The following TSC22D1 variants were observed in gnomAD, a reference collection of about 807,000 sequenced individuals.
TSC22D1 encodes TSC22 domain family protein 1.
TSC22D1 carries 9 observed loss-of-function variants against 74.2 expected under a neutral mutation model. The observed-to-expected ratio is 0.12, with a 90% CI of 0.07 to 0.21. The LOEUF is 0.21. Among genes scored for constraint, TSC22D1 ranks in the 10% least tolerant of loss-of-function variants. The pLI is 1.00. For missense variants in TSC22D1, 1,427 were observed against 1,304.7 expected (o/e 1.09, Z -1.44); for synonymous variants, 586 against 492.5 (o/e 1.19, Z -2.51).
At chr13:44,488,505 A>G (rs1433754298) in intron 1 of TSC22D1, among the ~76,000 whole-genome samples, 1 of 152,236 alleles carries the variant, frequency 6.6e-6, no homozygotes, top group Non-Finnish European at 1.5e-5. Context: ...CTAACGTTGC[A>G]TTTCCATTGG....
intron 1 of TSC22D1, among the ~76,000 whole-genome samples, chr13:44,568,318 A>G: frequency 6.6e-6 from 1 of 152,176 alleles, no homozygotes. Context: ...TTCCTGAGAA[A>G]GATAAAATTG....
rs1874158000 is a variant in TSC22D1, at chr13:44,432,789, T to TA, written c.*1836dup. On this transcript the variant is annotated 3_prime_UTR_variant, in exon 3 of 3. Transcript: ENST00000458659. The stretch of plus-strand genomic sequence containing the variant: ...GGCCACTGCTGAGGCCCTAGGTTGA[T>TA]AGATTACAGAGCCGGTAAACCCACC... The TA allele has an allele frequency of 1.3e-5, 2 of 152,320 alleles. No homozygotes were observed. The highest frequency in any genetic ancestry group is 4.8e-5 in the African/African-American group (2 of 41,534). 9.4% of individuals were successfully genotyped at this position (152,320 alleles called of 1,614,324 possible).
At chr13:44,519,917 G>A (rs187561470) in intron 1 of TSC22D1, among the ~76,000 whole-genome samples, 2 of 152,202 alleles carry the variant, frequency 1.3e-5, no homozygotes, top group Non-Finnish European at 2.9e-5. Flanking sequence ...ACTGAAATAC[G>A]ACACCCAGGT....
intron 1 of TSC22D1, chr13:44,537,196 A>C (rs1881200324): frequency 2.3e-6 from 2 of 871,830 alleles, no homozygotes; most frequent in Admixed American, 6.2e-5. Flanking sequence ...AGTTTATATT[A>C]ATATTCATAA....
chr13:44,477,637 G>T (rs1303941993), intron 1 of TSC22D1, among the ~76,000 whole-genome samples: 4 of 132,518 alleles, frequency 3.0e-5, no homozygotes, highest in African/African-American at 1.1e-4. Context: ...TGTGCTCATA[G>T]ATTTTTTTTT....
chr13:44,460,856 G>A (rs1275948189), intron 1 of TSC22D1, among the ~76,000 whole-genome samples: 1 of 152,178 alleles, frequency 6.6e-6, no homozygotes, highest in Admixed American at 6.5e-5. Context: ...CTTTCGAGGA[G>A]TGAAGAAGCC....
intron 1 of TSC22D1, among the ~76,000 whole-genome samples, chr13:44,494,515 G>A (rs1006827713): frequency 6.7e-6 from 1 of 150,164 alleles, no homozygotes; most frequent in Non-Finnish European, 1.5e-5. Context: ...CCATAATTGT[G>A]CCACTGCATT....
At chr13:44,518,390 T>C (rs1595133223) in intron 1 of TSC22D1, among the ~76,000 whole-genome samples, 1 of 152,276 alleles carries the variant, frequency 6.6e-6, no homozygotes, top group East Asian at 1.9e-4. Flanking sequence ...AGTATCTAGC[T>C]AGCAAAGTAT....
intron 1 of TSC22D1, among the ~76,000 whole-genome samples, chr13:44,519,583 T>C (rs1880212536): frequency 6.6e-6 from 1 of 152,040 alleles, no homozygotes; most frequent in Non-Finnish European, 1.5e-5. Flanking sequence ...ACTGGAAAGG[T>C]AAATGGCGAC....
chr13:44,488,143 CA>C (rs957614164), intron 1 of TSC22D1, among the ~76,000 whole-genome samples: 3 of 152,276 alleles, frequency 2.0e-5, no homozygotes, highest in Admixed American at 6.5e-5. Flanking sequence ...GGTCAAATGT[CA>C]GAAGTATTTG....
At chr13:44,479,701 C>A (rs1291153231) in intron 1 of TSC22D1, among the ~76,000 whole-genome samples, 2 of 152,198 alleles carry the variant, frequency 1.3e-5, no homozygotes, top group African/African-American at 4.8e-5. Context: ...CCAAATGAGA[C>A]AACTCATCAC....
At chr13:44,459,544 C>T (rs941751420) in intron 1 of TSC22D1, among the ~76,000 whole-genome samples, 4 of 152,158 alleles carry the variant, frequency 2.6e-5, no homozygotes, top group Non-Finnish European at 4.4e-5. Context: ...CAGGACCTGC[C>T]GAGTGGTGGG....
At chr13:44,490,387 G>C (rs117817621) in intron 1 of TSC22D1, among the ~76,000 whole-genome samples, 2,546 of 150,144 alleles carry the variant, frequency 0.017, 29 homozygotes, top group Middle Eastern at 0.038. Context: ...TGTAGATGGA[G>C]GTTACATACC....
chr13:44,526,548 GGAATCCAAGACA>G (rs1200415463), intron 1 of TSC22D1, among the ~76,000 whole-genome samples: 3 of 152,114 alleles, frequency 2.0e-5, no homozygotes, highest in Admixed American at 6.5e-5. Flanking sequence ...ATGCATAATA[GGAATCCAAGACA>G]GAAAAGAAAG....
chr13:44,440,355 G>A (rs774325330), intron 1 of TSC22D1, among the ~76,000 whole-genome samples: 4 of 152,154 alleles, frequency 2.6e-5, no homozygotes, highest in Non-Finnish European at 5.9e-5. Context: ...GAGATGGGCG[G>A]ATCACTTGAG....
intron 1 of TSC22D1, among the ~76,000 whole-genome samples, chr13:44,448,114 T>C (rs1875834552): frequency 6.6e-6 from 1 of 152,238 alleles, no homozygotes; most frequent in Middle Eastern, 3.4e-3. Flanking sequence ...ATATTCTATA[T>C]AAAACATCTG....
intron 1 of TSC22D1, among the ~76,000 whole-genome samples, chr13:44,445,030 G>A (rs1595081760): frequency 6.6e-6 from 1 of 152,156 alleles, no homozygotes. Context: ...CTTCCAGAGA[G>A]ACAGAAAATT....
At chr13:44,509,619 G>A (rs977017824) in intron 1 of TSC22D1, among the ~76,000 whole-genome samples, 6 of 152,098 alleles carry the variant, frequency 3.9e-5, no homozygotes, top group Admixed American at 6.5e-5. Flanking sequence ...CAGCCTGGGC[G>A]ACAGAGCGAG....
rs12583670 is a variant in TSC22D1, at chr13:44,449,320, A to C, written c.2913-13225T>G. 3.9e-5 allele frequency among the ~76,000 whole-genome samples: 6 copies of C among 152,188 alleles called. No individual in the cohort carries two copies. The South Asian group carries it at 1.2e-3, about 32-fold the overall frequency. On this transcript the variant is annotated intron_variant, in intron 1 of 2. Coordinates refer to ENST00000458659, the MANE Select transcript of TSC22D1 (RefSeq NM_183422.4). ...CAGAGCCACACTTGCTGACGGACAC[A>C]TTACTTAGTGAATGTGCCTAAAGAA...
Sources: gnomAD v4.1 joint callset for allele counts (sites outside exome capture counted in the v4.1 genomes callset) on GRCh38, gnomAD v4.1.1 for gene constraint, MANE v1.5 for transcripts, NCBI Gene and HGNC (gene_info 2026-07-23, HGNC 2026-07-21) for gene names.